FAT4: variants seen among roughly 807,000 people sequenced by gnomAD.
FAT4 encodes FAT atypical cadherin 4.
In FAT4, 84 loss-of-function variants were observed where a neutral mutation model predicts 303.9. That is an observed-to-expected ratio of 0.28 (90% CI 0.23 to 0.33). The LOEUF is 0.33. Among genes scored for constraint, FAT4 ranks in the 10% least tolerant of loss-of-function variants. The pLI is 1.00. For missense variants in FAT4, 6,005 were observed against 6,146.8 expected (o/e 0.98, Z 0.77); for synonymous variants, 2,307 against 2,298.8 (o/e 1.00, Z -0.10).
At chr4:125,351,363 T>C (rs756727720) in intron 2 of FAT4, among the ~76,000 whole-genome samples, 1 of 151,766 alleles carries the variant, frequency 6.6e-6, no homozygotes, top group Admixed American at 6.6e-5. Flanking sequence ...TTGGTAAATG[T>C]GCTTTTAGTT....
In FAT4 at chr4:125,449,368, T is replaced by A. The variant is rs564151439; in HGVS notation, c.8358T>A (p.Asn2786Lys). ...SQIFSAHVPE[N>K]SPLGYTVTRV... Reference sequence around the variant, plus strand: ...TATTTAGTGCCCATGTTCCTGAAAATTCCCCCTTAGGATACACAGTTACCC... The same window carrying A: ...TATTTAGTGCCCATGTTCCTGAAAAATCCCCCTTAGGATACACAGTTACCC... Residue 2786 changes from asparagine to lysine, a missense_variant, in exon 10 of 18, where the codon AAT (asparagine) becomes AAA (lysine). Transcript: ENST00000394329. The A allele has an allele frequency of 6.2e-7, 1 of 1,613,650 alleles. No homozygotes were observed. The highest frequency in any genetic ancestry group is 1.1e-5 in the South Asian group (1 of 91,070).
In FAT4 at chr4:125,316,027, A is replaced by G. The variant is rs1730567920; in HGVS notation, c.-13+50A>G. On this transcript the variant is annotated intron_variant, in intron 1 of 17. Transcript: ENST00000394329. This position sits in a 1 kb window ranked among gnomAD's most constrained non-coding sequence, Gnocchi z 5.7. ...CGTTCTTTGCAATGATTCCTCATAT[A>G]CCTTAGATACAGGCAACTTCTCCCA... Among the ~76,000 whole-genome samples the G allele has an allele frequency of 6.6e-6, 1 of 152,124 alleles. No individual in the cohort carries two copies. Among genetic ancestry groups the G allele is most frequent in the South Asian group, 2.1e-4 (1 of 4,824 alleles).
chr4:125,449,549 G>A lies in FAT4; in HGVS notation c.8539G>A (p.Val2847Ile). The A allele has an allele frequency of 6.2e-7, 1 of 1,613,496 alleles. No homozygotes were observed. Among genetic ancestry groups the A allele is most frequent in the Non-Finnish European group, 8.5e-7 (1 of 1,179,544 alleles). The change falls in exon 10 of 18, where the codon GTT becomes ATT. Residue 2847 changes from valine (V) to isoleucine (I), a missense_variant. Transcript: ENST00000394329. The stretch of plus-strand genomic sequence containing the variant: ...AGATACAGACCGTTACAGAATTCGA[G>A]TTTCCGCACATGATTCTGGGTGGAC... Reference protein sequence around the residue: ...REDTDRYRIRVSAHDSGWTVS... With the variant: ...REDTDRYRIRISAHDSGWTVS...
At chr4:125,470,078 A>C (rs946252852) in intron 12 of FAT4, among the ~76,000 whole-genome samples, 5 of 152,166 alleles carry the variant, frequency 3.3e-5, no homozygotes, top group Admixed American at 6.5e-5. Context: ...CTCCTTATAC[A>C]TCATTGTCAG....
rs1172348894 is a variant in FAT4 at position 125,318,030 on chromosome 4, T to C, written c.1619T>C (p.Leu540Pro). 6.2e-7 allele frequency: 1 copy of C among 1,614,216 alleles called. No individual in the cohort carries two copies. Among genetic ancestry groups the C allele is most frequent in the Admixed American group, 1.7e-5 (1 of 60,024 alleles). ...GLVTTGSSGG[L>P]DRELASQIVL... ...GTGACCACTGGGTCCTCTGGGGGCCTGGACCGTGAACTTGCTTCCCAGATT... is the reference window on the plus strand; with the variant it reads ...GTGACCACTGGGTCCTCTGGGGGCCCGGACCGTGAACTTGCTTCCCAGATT... The change falls in exon 2 of 18, where the codon CTG becomes CCG. Residue 540 changes from leucine to proline, a missense_variant. By Grantham distance (98) the Leu-to-Pro change is moderately conservative. Transcript: ENST00000394329.
rs142747281 is a variant in FAT4, at chr4:125,320,714, A to G, written c.4303A>G (p.Ile1435Val). ...CAAGTCTATTGTTGAGAACATTCCC[A>G]TCGGTACATCTGTCATTTCAGTGAC... The part of the protein sequence containing the change: ...IFKSIVENIP[I>V]GTSVISVTAH... Residue 1435 changes from isoleucine (I) to valine (V), a missense_variant, in exon 2 of 18, where the codon ATC (isoleucine) becomes GTC (valine). Ile to Val is a conservative substitution (Grantham distance 29). Transcript: ENST00000394329. 4.4e-3 allele frequency: 7,182 copies of G among 1,614,096 alleles called. 35 individuals are homozygous for G. Among genetic ancestry groups the G allele is most frequent in the Non-Finnish European group, 5.6e-3 (6,586 of 1,179,946 alleles).
intron 14 of FAT4, among the ~76,000 whole-genome samples, chr4:125,479,461 G>A (rs1366546448): frequency 6.6e-6 from 1 of 152,056 alleles, no homozygotes; most frequent in Non-Finnish European, 1.5e-5. Context: ...TTTGACCAAG[G>A]TATTTTATTC....
At chr4:125,472,177 A>G (rs1726888345) in intron 12 of FAT4, among the ~76,000 whole-genome samples, 1 of 151,980 alleles carries the variant, frequency 6.6e-6, no homozygotes, top group Non-Finnish European at 1.5e-5. Flanking sequence ...AAGCCTAGCC[A>G]AAACAACAAA....
chr4:125,318,984 A>G lies in FAT4; in HGVS notation c.2573A>G (p.Glu858Gly). The change falls in exon 2 of 18, where the codon GAG becomes GGG. Residue 858 changes from glutamate (E) to glycine (G), a missense_variant. Transcript: ENST00000394329. The stretch of plus-strand genomic sequence containing the variant: ...ACAGCAAATGTGATTGATAGAGAAG[A>G]GCAATCCTTTTATCAGCTGAAGGTA... ...LTTANVIDRE[E>G]QSFYQLKVVA... 6.2e-7 allele frequency: 1 copy of G among 1,614,220 alleles called. No homozygotes were observed. The highest frequency in any genetic ancestry group is 8.5e-7 in the Non-Finnish European group (1 of 1,180,050).
chr4:125,317,696 G>C lies in FAT4; in HGVS notation c.1285G>C (p.Glu429Gln). Residue 429 changes from glutamate (E) to glutamine (Q), a missense_variant, in exon 2 of 18, where the codon GAG (glutamate) becomes CAG (glutamine). By Grantham distance (29) the Glu-to-Gln change is conservative (BLOSUM62 2). Coordinates refer to ENST00000394329, the MANE Select transcript of FAT4 (RefSeq NM_001291303.3). This position sits in a 1 kb window ranked among gnomAD's most constrained non-coding sequence, Gnocchi z 7.0. ...CAAGGTGGCCAGCGCCTTGGACCGC[G>C]AGCGCATCCCTTCCTACAACCTCAC... ...LIKVASALDR[E>Q]RIPSYNLTVS... 1 of 1,614,072 alleles carries C rather than the reference G, an allele frequency of 6.2e-7. No individual in the cohort carries two copies.
chr4:125,488,640 A>G (rs1374084351), intron 17 of FAT4, among the ~76,000 whole-genome samples: 3 of 152,218 alleles, frequency 2.0e-5, no homozygotes, highest in African/African-American at 7.2e-5. Context: ...GAAACTGCAG[A>G]ACCCTCCAAA....
chr4:125,406,029 T>A (rs1309216290), intron 3 of FAT4, among the ~76,000 whole-genome samples: 1 of 152,180 alleles, frequency 6.6e-6, no homozygotes, highest in East Asian at 1.9e-4. Flanking sequence ...TAGTTTGATA[T>A]ACTTTCACTT....
At position 125,408,497 on chromosome 4, in the gene FAT4, G is replaced by C. The variant is rs1189699181; in HGVS notation, c.5623G>C (p.Glu1875Gln). 4 of 1,612,802 alleles carry C rather than the reference G, an allele frequency of 2.5e-6. No individual in the cohort carries two copies. Among genetic ancestry groups the C allele is most frequent in the Non-Finnish European group, 3.4e-6 (4 of 1,179,488 alleles). The change falls in exon 5 of 18, where the codon GAA (glutamate) becomes CAA (glutamine). Residue 1875 changes from glutamate to glutamine, a missense_variant. Transcript: ENST00000394329. ...ATDDDSGVNG[E>Q]ITYIVNEDDE... The stretch of plus-strand genomic sequence containing the variant: ...GGATGATGACTCTGGTGTGAATGGA[G>C]AAATTACATATATTGTGAATGAAGA...
intron 7 of FAT4, among the ~76,000 whole-genome samples, chr4:125,426,687 A>G (rs1195638840): frequency 6.6e-6 from 1 of 152,102 alleles, no homozygotes; most frequent in Non-Finnish European, 1.5e-5. Flanking sequence ...AATTCCATTG[A>G]ATAAGAGCTA....
At chr4:125,322,062 C>A (rs1730977798) in intron 2 of FAT4, among the ~76,000 whole-genome samples, 1 of 152,150 alleles carries the variant, frequency 6.6e-6, no homozygotes, top group Non-Finnish European at 1.5e-5. Flanking sequence ...TACACCAGGA[C>A]AGTATTAACT....
intron 2 of FAT4, among the ~76,000 whole-genome samples, chr4:125,397,211 C>T (rs890397565): frequency 2.0e-5 from 3 of 151,920 alleles, no homozygotes; most frequent in African/African-American, 7.3e-5. Context: ...TTTTCTTTAC[C>T]TATATCATCA....
At position 125,316,755 on chromosome 4, in the gene FAT4, C is replaced by A. The variant is rs367966801; in HGVS notation, c.344C>A (p.Pro115His). ...VINLVVLSSA[P>H]TYPTEVRVLV... ...AACCTGGTGGTCCTTTCCAGCGCGC[C>A]CACCTACCCCACCGAAGTGCGAGTG... The change falls in exon 2 of 18, where the codon CCC becomes CAC. Residue 115 changes from proline (P) to histidine (H), a missense_variant. Transcript: ENST00000394329. This position sits in a 1 kb window ranked among gnomAD's most constrained non-coding sequence, Gnocchi z 5.7. 1.9e-6 allele frequency: 3 copies of A among 1,614,050 alleles called. No individual in the cohort carries two copies. Among genetic ancestry groups the A allele is most frequent in the Non-Finnish European group, 2.5e-6 (3 of 1,180,030 alleles).
chr4:125,483,270 T>C (rs1727290507), intron 16 of FAT4, among the ~76,000 whole-genome samples: 1 of 152,186 alleles, frequency 6.6e-6, no homozygotes, highest in African/African-American at 2.4e-5. Flanking sequence ...AAAATGGTAT[T>C]AGAAGTAAAC....
intron 10 of FAT4, among the ~76,000 whole-genome samples, chr4:125,459,622 C>T (rs1726414203): frequency 6.6e-6 from 1 of 152,032 alleles, no homozygotes; most frequent in Non-Finnish European, 1.5e-5. Flanking sequence ...TAAACAGCTG[C>T]TATGGCAGTA....
Sources: allele counts gnomAD v4.1 joint callset (sites outside exome capture counted in the v4.1 genomes callset), GRCh38; gene constraint gnomAD v4.1.1; non-coding constraint Gnocchi (gnomAD v3.1); transcripts MANE v1.5; gene names NCBI Gene and HGNC (gene_info 2026-07-23, HGNC 2026-07-21).